UNC13C: variants seen among roughly 807,000 people sequenced by gnomAD.
UNC13C encodes the protein protein unc-13 homolog C.
In UNC13C, 174 loss-of-function variants were observed where a neutral mutation model predicts 245.4. The observed-to-expected ratio is 0.71, with a 90% CI of 0.63 to 0.80. The LOEUF is 0.80. Among genes scored for constraint, UNC13C ranks in the 30% least tolerant of loss-of-function variants. The pLI is 0.00. For synonymous variants in UNC13C, 992 were observed against 895.1 expected (o/e 1.11, Z -1.93); for missense variants, 2,829 against 2,602.9 (o/e 1.09, Z -1.89).
intron 23 of UNC13C, among the ~76,000 whole-genome samples, chr15:54,510,513 C>A (rs1413959174): frequency 6.3e-5 from 9 of 142,728 alleles, no homozygotes; most frequent in Admixed American, 5.3e-4. Context: ...TTGGGGGATA[C>A]ATCTCAGATA....
chr15:54,336,550 T>A (rs2038582227), intron 16 of UNC13C, among the ~76,000 whole-genome samples: 3 of 152,200 alleles, frequency 2.0e-5, no homozygotes, highest in Admixed American at 2.0e-4. Flanking sequence ...AAGAGGTTTT[T>A]TTGGTGTGTT....
intron 2 of UNC13C, among the ~76,000 whole-genome samples, chr15:54,052,630 G>A (rs1209707168): frequency 6.6e-6 from 1 of 152,164 alleles, no homozygotes; most frequent in African/African-American, 2.4e-5. Context: ...TTTTATCCAC[G>A]AAGAAAGGAT....
At chr15:54,308,509 G>C (rs1000442166) in intron 13 of UNC13C, among the ~76,000 whole-genome samples, 4 of 151,690 alleles carry the variant, frequency 2.6e-5, no homozygotes, top group African/African-American at 9.7e-5. Flanking sequence ...TGTGTCATGA[G>C]TACACTTCCA....
At chr15:54,157,875 G>T (rs985037972) in intron 4 of UNC13C, among the ~76,000 whole-genome samples, 2 of 152,164 alleles carry the variant, frequency 1.3e-5, no homozygotes, top group African/African-American at 4.8e-5. Context: ...AATAAATGGT[G>T]CTGGGAAAAC....
At chr15:54,431,565 A>G (rs919535048) in intron 19 of UNC13C, among the ~76,000 whole-genome samples, 19 of 151,742 alleles carry the variant, frequency 1.3e-4, no homozygotes, top group African/African-American at 4.6e-4. Context: ...CAATTTTTAT[A>G]AAACAGATCT....
At chr15:54,395,469 C>T (rs1158387558) in intron 18 of UNC13C, among the ~76,000 whole-genome samples, 1 of 151,802 alleles carries the variant, frequency 6.6e-6, no homozygotes, top group Non-Finnish European at 1.5e-5. Context: ...AGTCAGAAAA[C>T]CTGCAATTGA....
chr15:54,084,738 T>G (rs1899143399), intron 2 of UNC13C, among the ~76,000 whole-genome samples: 1 of 152,242 alleles, frequency 6.6e-6, no homozygotes, highest in Non-Finnish European at 1.5e-5. Flanking sequence ...TACTGCTAGT[T>G]GAGTGACTTG....
the UNC13C span, among the ~76,000 whole-genome samples, chr15:53,896,533 A>T: frequency 6.6e-6 from 1 of 152,142 alleles, no homozygotes; most frequent in Non-Finnish European, 1.5e-5. Context: ...TATTATCATA[A>T]TAATACATGG....
intron 29 of UNC13C, among the ~76,000 whole-genome samples, chr15:54,562,838 A>G (rs1897351459): frequency 3.3e-5 from 5 of 151,986 alleles, no homozygotes; most frequent in African/African-American, 4.8e-5. Context: ...TTTCTTATAA[A>G]TGATGAAGCC....
At position 54,015,774 on chromosome 15, in the gene UNC13C, A is replaced by G. The variant is rs754165879; in HGVS notation, c.2871A>G (p.Glu957=). 13 of 1,612,230 alleles carry G rather than the reference A, an allele frequency of 8.1e-6. No homozygotes were observed. The South Asian group carries it at 1.3e-4, about 16-fold the overall frequency. ...AAGATGAAAACCAAAACATTCCTGA[A>G]CAGCCAGTGGAGATCACAAAGCCAA... ...IREDENQNIP[E]QPVEITKPKR... The change falls in exon 2 of 33, where the codon GAA becomes GAG. Residue 957 remains glutamate, a synonymous_variant. Transcript: ENST00000260323.
chr15:54,273,957 C>T (rs540289566), intron 10 of UNC13C, among the ~76,000 whole-genome samples: 10 of 152,192 alleles, frequency 6.6e-5, no homozygotes, highest in South Asian at 6.2e-4. Context: ...GGTTAGTATC[C>T]GCCCCAACAC....
At chr15:54,440,789 T>C (rs1307929998) in intron 19 of UNC13C, among the ~76,000 whole-genome samples, 2 of 152,080 alleles carry the variant, frequency 1.3e-5, no homozygotes, top group African/African-American at 2.4e-5. Context: ...CGTATAAGTG[T>C]TCCCTTTTCT....
At chr15:54,603,959 C>G (rs1315453406) in intron 30 of UNC13C, among the ~76,000 whole-genome samples, 2 of 152,126 alleles carry the variant, frequency 1.3e-5, no homozygotes, top group African/African-American at 4.8e-5. Flanking sequence ...AGCCTTCCCA[C>G]TCTTTGTTAC....
intron 17 of UNC13C, among the ~76,000 whole-genome samples, chr15:54,368,682 G>A (rs1400439126): frequency 1.3e-5 from 2 of 152,078 alleles, no homozygotes; most frequent in African/African-American, 2.4e-5. Context: ...CTTAAGTGCT[G>A]TTTAATGAGT....
At chr15:54,456,937 G>A (rs1186786355) in intron 19 of UNC13C, among the ~76,000 whole-genome samples, 1 of 152,040 alleles carries the variant, frequency 6.6e-6, no homozygotes, top group Non-Finnish European at 1.5e-5. Flanking sequence ...TGGTGAAAGT[G>A]GGCATCCTTG....
At chr15:53,884,391 C>T in the UNC13C span, among the ~76,000 whole-genome samples, 1 of 152,274 alleles carries the variant, frequency 6.6e-6, no homozygotes, top group East Asian at 1.9e-4. Context: ...TGAAGTGGCA[C>T]AATACTAGCT....
chr15:54,250,112 G>T, intron 7 of UNC13C, 113 bp from the exon 8 acceptor site: 1 of 926,742 alleles, frequency 1.1e-6, no homozygotes, highest in Admixed American at 2.0e-5. Context: ...TGATCCAGGG[G>T]CTCTCTCAAA....
intron 30 of UNC13C, among the ~76,000 whole-genome samples, chr15:54,605,623 C>A (rs1029721799): frequency 6.6e-6 from 1 of 152,086 alleles, no homozygotes; most frequent in Non-Finnish European, 1.5e-5. Flanking sequence ...TCAGGTGTTT[C>A]CAGTATACAG....
intron 19 of UNC13C, among the ~76,000 whole-genome samples, chr15:54,458,680 C>CTTTTTTTTTTTTTTTTT (rs79291504): frequency 1.2e-4 from 8 of 65,974 alleles, no homozygotes; most frequent in South Asian, 7.7e-4. Context: ...CCTTTAAGGT[C>CTTTTTTTTTTTTTTTTT]TTTTTTTTTT....
Sources: allele counts gnomAD v4.1 joint callset (sites outside exome capture counted in the v4.1 genomes callset), GRCh38; gene constraint gnomAD v4.1.1; transcripts MANE v1.5; gene names NCBI Gene and HGNC (gene_info 2026-07-23, HGNC 2026-07-21).